The following FARS2 variants were observed in gnomAD, a reference collection of about 807,000 sequenced individuals.
FARS2 encodes phenylalanyl-tRNA synthetase 2, mitochondrial.
Under a neutral mutation model 46.4 loss-of-function variants are expected in FARS2, and 40 were observed. The observed-to-expected ratio is 0.86, with a 90% CI of 0.67 to 1.12. The LOEUF (loss-of-function observed/expected upper bound fraction) is 1.12, where lower values mean the gene tolerates loss of function less well. FARS2 is among the 50% of genes most tolerant of loss of function. The probability of loss-of-function intolerance (pLI) is 0.00; values close to 1 mark genes in which losing one functional copy is unlikely to be tolerated. For missense variants in FARS2, 513 were observed against 567.9 expected, an observed-to-expected ratio of 0.90 and a Z score of 0.98; for synonymous variants, 234 against 214.9, an observed-to-expected ratio of 1.09 and a Z score of -0.78.
At chr6:5,584,670 C>T (rs1272031309) in intron 5 of FARS2, among the ~76,000 whole-genome samples, 2 of 152,104 alleles carry the variant, frequency 1.3e-5, no homozygotes, top group Admixed American at 1.3e-4. Context: ...GCTGTTTTAT[C>T]AGCATGTTTT....
intron 1 of FARS2, among the ~76,000 whole-genome samples, chr6:5,304,684 G>A (rs1768571583): frequency 6.6e-6 from 1 of 152,164 alleles, no homozygotes; most frequent in African/African-American, 2.4e-5. Flanking sequence ...GCGCGTTTGT[G>A]TATTGATTTA....
intron 1 of FARS2, among the ~76,000 whole-genome samples, chr6:5,275,006 GC>G (rs1766236155): frequency 6.6e-6 from 1 of 152,252 alleles, no homozygotes; most frequent in South Asian, 2.1e-4. Flanking sequence ...TGTGAGCCTG[GC>G]CCTACATATT....
intron 6 of FARS2, 69 bp downstream of exon 6, chr6:5,613,389 C>T: frequency 6.9e-7 from 1 of 1,456,622 alleles, no homozygotes; most frequent in Non-Finnish European, 9.4e-7. Context: ...GGAAGCATAT[C>T]ATAAAATTTG....
At chr6:5,499,017 C>T (rs1767637994) in intron 4 of FARS2, among the ~76,000 whole-genome samples, 1 of 152,168 alleles carries the variant, frequency 6.6e-6, no homozygotes, top group South Asian at 2.1e-4. Flanking sequence ...CCTGCCTCAG[C>T]CTCCTGAGTA....
At chr6:5,574,360 G>A (rs957729489) in intron 5 of FARS2, among the ~76,000 whole-genome samples, 16 of 152,048 alleles carry the variant, frequency 1.1e-4, no homozygotes, top group African/African-American at 2.7e-4. Context: ...TCCTGACCTC[G>A]TGATCTACCC....
chr6:5,282,312 C>G (rs1766788600), intron 1 of FARS2, among the ~76,000 whole-genome samples: 1 of 152,206 alleles, frequency 6.6e-6, no homozygotes, highest in Non-Finnish European at 1.5e-5. Context: ...CAGCAGCAAG[C>G]AGGCATGAGA....
chr6:5,746,773 G>C (rs1018010051), intron 6 of FARS2, among the ~76,000 whole-genome samples: 2 of 152,138 alleles, frequency 1.3e-5, no homozygotes, highest in Admixed American at 6.6e-5. Flanking sequence ...ATCAATATCT[G>C]CTAGTATTTA....
chr6:5,289,833 G>C (rs181364998), intron 1 of FARS2, among the ~76,000 whole-genome samples: 17 of 152,270 alleles, frequency 1.1e-4, no homozygotes, highest in Admixed American at 3.9e-4. Context: ...TTGTTACTTG[G>C]GCATGGAAAG....
At chr6:5,361,050 A>G (rs1452854483) in intron 1 of FARS2, among the ~76,000 whole-genome samples, 1 of 152,236 alleles carries the variant, frequency 6.6e-6, no homozygotes, top group Non-Finnish European at 1.5e-5. Context: ...ATATAAATAC[A>G]TAAAATAGAA....
intron 1 of FARS2, among the ~76,000 whole-genome samples, chr6:5,286,083 C>T (rs986175165): frequency 1.3e-5 from 2 of 152,142 alleles, no homozygotes; most frequent in Non-Finnish European, 1.5e-5. Flanking sequence ...CGCTCATCTT[C>T]TAAATACTTG....
intron 6 of FARS2, among the ~76,000 whole-genome samples, chr6:5,691,989 G>C (rs190991540): frequency 6.6e-6 from 1 of 152,232 alleles, no homozygotes; most frequent in African/African-American, 2.4e-5. Flanking sequence ...CTCCGAGCCA[G>C]GCGCGGGATA....
intron 4 of FARS2, among the ~76,000 whole-genome samples, chr6:5,517,298 A>G (rs1392488337): frequency 6.6e-6 from 1 of 152,136 alleles, no homozygotes; most frequent in Non-Finnish European, 1.5e-5. Context: ...GTTCCAACAG[A>G]TATGTGCTTT....
At chr6:5,277,283 C>T (rs1445776246) in intron 1 of FARS2, among the ~76,000 whole-genome samples, 2 of 150,026 alleles carry the variant, frequency 1.3e-5, no homozygotes, top group Non-Finnish European at 3.0e-5. Flanking sequence ...AAGACTTAAA[C>T]CAAAACATTA....
At chr6:5,673,488 C>T (rs1024442313) in intron 6 of FARS2, among the ~76,000 whole-genome samples, 3 of 152,244 alleles carry the variant, frequency 2.0e-5, no homozygotes, top group South Asian at 2.1e-4. Flanking sequence ...AGCAAGGATA[C>T]GATTACAATG....
At chr6:5,373,340 T>A (rs1033459232) in intron 2 of FARS2, among the ~76,000 whole-genome samples, 1 of 152,056 alleles carries the variant, frequency 6.6e-6, no homozygotes, top group Non-Finnish European at 1.5e-5. Flanking sequence ...GATTAGACAT[T>A]AATATAAAGG....
intron 6 of FARS2, among the ~76,000 whole-genome samples, chr6:5,759,736 G>A (rs1204340994): frequency 6.6e-6 from 1 of 152,132 alleles, no homozygotes; most frequent in Non-Finnish European, 1.5e-5. Flanking sequence ...CAGGGCGAGT[G>A]AGGAGAAACA....
At chr6:5,637,464 C>T (rs143009412) in intron 6 of FARS2, among the ~76,000 whole-genome samples, 2 of 152,296 alleles carry the variant, frequency 1.3e-5, no homozygotes, top group Non-Finnish European at 2.9e-5. Context: ...TAAAGCAGCT[C>T]GCCCAGGGAG....
rs540316414 is a variant in FARS2, at chr6:5,296,166, A to G, written c.-22+34506A>G. On this transcript the variant is annotated intron_variant, in intron 1 of 6. Coordinates refer to ENST00000274680, the MANE Select transcript of FARS2 (RefSeq NM_006567.5). Reference sequence around the variant, plus strand: ...TTTTTTTTTTTTTTTTTTTGAGACGAAGTCTAGCTCTGTCGCCTGGGCTGG... The same window carrying G: ...TTTTTTTTTTTTTTTTTTTGAGACGGAGTCTAGCTCTGTCGCCTGGGCTGG... Among the ~76,000 whole-genome samples, 18 of 89,250 alleles carry G rather than the reference A, an allele frequency of 2.0e-4. No homozygotes were observed. The East Asian group carries it at 2.4e-3, about 12-fold the overall frequency. 58.6% of individuals were successfully genotyped at this position (89,250 alleles called of 152,430 possible).
chr6:5,591,186 G>A (rs1486121766), intron 5 of FARS2, among the ~76,000 whole-genome samples: 1 of 152,144 alleles, frequency 6.6e-6, no homozygotes, highest in Non-Finnish European at 1.5e-5. Context: ...TTTTGACAAA[G>A]TTATAAATTA....
Sources: allele counts gnomAD v4.1 joint callset (sites outside exome capture counted in the v4.1 genomes callset), GRCh38; gene constraint gnomAD v4.1.1; transcripts MANE v1.5; gene names NCBI Gene and HGNC (gene_info 2026-07-23, HGNC 2026-07-21).